The following SESTD1 variants were observed in gnomAD, a reference collection of about 807,000 sequenced individuals.
The protein encoded by SESTD1 is SEC14 and spectrin domain containing 1.
A neutral mutation model predicts 101.7 loss-of-function variants in SESTD1; 43 were observed. That is an observed-to-expected ratio of 0.42 (90% CI 0.33 to 0.55). The LOEUF (loss-of-function observed/expected upper bound fraction) is 0.55. Ranked by LOEUF, SESTD1 falls within the 20% of genes least tolerant of loss-of-function variation. SESTD1 has a pLI of 0.07. For missense variants in SESTD1, 647 were observed against 815.1 expected (o/e 0.79, Z 2.51); for synonymous variants, 283 against 286.8 (o/e 0.99, Z 0.13).
intron 5 of SESTD1, among the ~76,000 whole-genome samples, chr2:179,169,746 C>T (rs1486747708): frequency 6.6e-6 from 1 of 151,948 alleles, no homozygotes; most frequent in East Asian, 1.9e-4. Context: ...CTTTGGGAGG[C>T]CGAGGTGGGC....
rs140723803 is a variant in SESTD1, at chr2:179,114,982, A to C, written c.1839+83T>G. 303 of 1,152,308 alleles carry C rather than the reference A, an allele frequency of 2.6e-4. 2 individuals are homozygous for C. The East Asian group carries it at 5.3e-3, about 20-fold the overall frequency. 71.4% of individuals were successfully genotyped at this position (1,152,308 alleles called of 1,614,324 possible). A position where few individuals can be genotyped will look rare whatever the true frequency, so the allele number is the denominator to read the frequency against. The stretch of plus-strand genomic sequence containing the variant: ...AAATATTGAAAAATAGATTAGTCAT[A>C]TAGTTACATTACTAAAATTAACATA... On this transcript the variant is annotated intron_variant, in intron 16 of 17. Transcript: ENST00000428443.
chr2:179,259,586 C>T (rs1234780113), intron 1 of SESTD1, among the ~76,000 whole-genome samples: 1 of 152,110 alleles, frequency 6.6e-6, no homozygotes, highest in Non-Finnish European at 1.5e-5. Flanking sequence ...ACTTAGGCGA[C>T]TCATCCACAG....
chr2:179,257,285 C>G (rs933295625), intron 1 of SESTD1, among the ~76,000 whole-genome samples: 2 of 152,138 alleles, frequency 1.3e-5, no homozygotes, highest in Non-Finnish European at 2.9e-5. Flanking sequence ...CAACAACCAT[C>G]CTGATCAGTA....
intron 17 of SESTD1, 81 bp downstream of exon 17, chr2:179,112,643 A>G (rs1475099287): frequency 1.4e-6 from 2 of 1,449,718 alleles, no homozygotes; most frequent in Admixed American, 2.5e-5. Context: ...TTGGCTTTTT[A>G]AAGAATAGAT....
At chr2:179,257,654 T>C (rs2047418838) in intron 1 of SESTD1, among the ~76,000 whole-genome samples, 2 of 151,874 alleles carry the variant, frequency 1.3e-5, no homozygotes, top group South Asian at 2.1e-4. Flanking sequence ...AAACTAAAGA[T>C]AAAGGCAAAG....
chr2:179,191,696 T>TAA (rs367811321), intron 2 of SESTD1, 91 bp downstream of exon 2: 3 of 1,013,636 alleles, frequency 3.0e-6, no homozygotes, highest in East Asian at 2.7e-5. Flanking sequence ...AAACTTTCAT[T>TAA]AAAAAAAAAT....
At chr2:179,131,546 T>A (rs549284328) in intron 10 of SESTD1, among the ~76,000 whole-genome samples, 1 of 152,136 alleles carries the variant, frequency 6.6e-6, no homozygotes, top group South Asian at 2.1e-4. Flanking sequence ...ATTTTTCCAA[T>A]TTTGTATTTA....
intron 2 of SESTD1, among the ~76,000 whole-genome samples, chr2:179,188,229 T>G (rs2046263875): frequency 6.6e-6 from 1 of 152,156 alleles, no homozygotes; most frequent in African/African-American, 2.4e-5. Context: ...ATACCAACCA[T>G]ACTCTCAGAT....
chr2:179,162,313 A>G (rs2045751803), intron 5 of SESTD1, among the ~76,000 whole-genome samples: 1 of 152,182 alleles, frequency 6.6e-6, no homozygotes, highest in South Asian at 2.1e-4. Flanking sequence ...AAGGATATAA[A>G]TCCTCTGGAA....
In SESTD1 at chr2:179,169,521, A is replaced by T. The variant is rs6756151; in HGVS notation, c.369+2599T>A. On this transcript the variant is annotated intron_variant, in intron 5 of 17. Coordinates refer to ENST00000428443, the MANE Select transcript of SESTD1 (RefSeq NM_178123.5). ...AGGTTGCAATATTCCTCTTTCAGTT[A>T]TTAAAAAAACAGGCAGACACAACAT... Among the ~76,000 whole-genome samples, 661 of 152,322 alleles carry T rather than the reference A, an allele frequency of 4.3e-3. 4 individuals are homozygous for T. The highest frequency in any genetic ancestry group is 0.015 in the African/African-American group (614 of 41,578).
intron 10 of SESTD1, among the ~76,000 whole-genome samples, chr2:179,128,537 T>C (rs1174778009): frequency 6.6e-6 from 1 of 152,072 alleles, no homozygotes; most frequent in Non-Finnish European, 1.5e-5. Flanking sequence ...GAGACTATCC[T>C]GGCCAACAGG....
At chr2:179,184,325 A>C (rs1310745438) in intron 2 of SESTD1, among the ~76,000 whole-genome samples, 2 of 152,168 alleles carry the variant, frequency 1.3e-5, no homozygotes, top group African/African-American at 4.8e-5. Flanking sequence ...TGATCGCTAG[A>C]CATCTATCAC....
At chr2:179,252,182 GTAGTCCAAGTGC>G (rs1277750072) in intron 1 of SESTD1, among the ~76,000 whole-genome samples, 1 of 152,230 alleles carries the variant, frequency 6.6e-6, no homozygotes, top group Non-Finnish European at 1.5e-5. Flanking sequence ...GAATTAAACT[GTAGTCCAAGTGC>G]TATCACCTGC....
intron 1 of SESTD1, among the ~76,000 whole-genome samples, chr2:179,222,157 A>G (rs1379060516): frequency 1.3e-5 from 2 of 152,188 alleles, no homozygotes; most frequent in Non-Finnish European, 2.9e-5. Flanking sequence ...TCCCAAAAAA[A>G]GACTTCCCCC....
chr2:179,174,973 G>A (rs2045986889), intron 4 of SESTD1, among the ~76,000 whole-genome samples: 2 of 150,542 alleles, frequency 1.3e-5, no homozygotes, highest in Non-Finnish European at 3.0e-5. Flanking sequence ...GGGATGGGGG[G>A]ATTCTCATGA....
At chr2:179,176,687 TGA>T (rs2046018448) in intron 3 of SESTD1, 149 bp from the exon 4 acceptor site, 1 of 513,746 alleles carries the variant, frequency 1.9e-6, no homozygotes. Flanking sequence ...ATAAAATTCT[TGA>T]GAGTATCCTT....
intron 1 of SESTD1, among the ~76,000 whole-genome samples, chr2:179,251,267 T>C (rs2047313275): frequency 6.6e-6 from 1 of 152,164 alleles, no homozygotes; most frequent in South Asian, 2.1e-4. Context: ...GAGGAAGCAG[T>C]GGGTGAGAAG....
intron 2 of SESTD1, among the ~76,000 whole-genome samples, chr2:179,187,911 C>T (rs184511932): frequency 2.6e-5 from 4 of 152,246 alleles, no homozygotes; most frequent in Non-Finnish European, 2.9e-5. Context: ...ATGCACCCAA[C>T]ATTGAAGTAC....
intron 1 of SESTD1, among the ~76,000 whole-genome samples, chr2:179,214,693 C>T (rs2046694701): frequency 7.4e-6 from 1 of 135,336 alleles, no homozygotes; most frequent in Non-Finnish European, 1.6e-5. Flanking sequence ...ACATTCTTCT[C>T]AGCACCACAT....
Sources: allele counts gnomAD v4.1 joint callset (sites outside exome capture counted in the v4.1 genomes callset), GRCh38; gene constraint gnomAD v4.1.1; transcripts MANE v1.5; gene names NCBI Gene and HGNC (gene_info 2026-07-23, HGNC 2026-07-21).